Variants in PIP5K1B observed in about 807,000 individuals in gnomAD.
PIP5K1B encodes phosphatidylinositol 4-phosphate 5-kinase type-1 beta.
Under a neutral mutation model 67.0 loss-of-function variants are expected in PIP5K1B, and 42 were observed. That is an observed-to-expected ratio of 0.63 (90% CI 0.49 to 0.81). PIP5K1B has a LOEUF of 0.81. Among genes scored for constraint, PIP5K1B ranks in the 30% least tolerant of loss-of-function variants. The pLI, the probability that PIP5K1B is intolerant of heterozygous loss-of-function variation, is 0.00. For missense variants in PIP5K1B, 459 were observed against 646.3 expected, an observed-to-expected ratio of 0.71 and a Z score of 3.14; for synonymous variants, 214 against 231.4, an observed-to-expected ratio of 0.92 and a Z score of 0.68.
rs78666219 is a variant in PIP5K1B, at chr9:68,791,319, G to A, written c.-85-27142G>A. Among the ~76,000 whole-genome samples the A allele has an allele frequency of 1.5e-3, 231 of 152,314 alleles. 2 individuals are homozygous for A. Among genetic ancestry groups the A allele is most frequent in the African/African-American group, 5.4e-3 (226 of 41,556 alleles). ...AGTGACAAGTAGCTGTTGAGTATTGGTATCTTTTGGGAAGGAAAATATGAG... is the reference window on the plus strand; with the variant it reads ...AGTGACAAGTAGCTGTTGAGTATTGATATCTTTTGGGAAGGAAAATATGAG... On this transcript the variant is annotated intron_variant, in intron 2 of 15. Coordinates refer to ENST00000265382, the MANE Select transcript of PIP5K1B (RefSeq NM_003558.4).
intron 1 of PIP5K1B, among the ~76,000 whole-genome samples, chr9:68,727,443 TATA>T (rs1828207282): frequency 6.6e-6 from 1 of 152,124 alleles, no homozygotes; most frequent in Non-Finnish European, 1.5e-5. Context: ...ATGAAGTAAT[TATA>T]ATAGGTAGAG....
At chr9:68,768,597 G>A (rs1364282211) in intron 2 of PIP5K1B, among the ~76,000 whole-genome samples, 4 of 152,296 alleles carry the variant, frequency 2.6e-5, no homozygotes, top group Admixed American at 6.5e-5. Context: ...AGAACCTTTT[G>A]ATTAGGTCTA....
rs35871698 is a variant in PIP5K1B at position 68,878,013 on chromosome 9, C to CTGTGTGTGTGTGTG, written c.318+1247_318+1260dup. Among the ~76,000 whole-genome samples the CTGTGTGTGTGTGTG allele has an allele frequency of 3.4e-3, 482 of 142,086 alleles. 6 individuals are homozygous for CTGTGTGTGTGTGTG. The highest frequency in any genetic ancestry group is 0.022 in the Admixed American group (308 of 14,122). 93.2% of individuals were successfully genotyped at this position (142,086 alleles called of 152,430 possible). On this transcript the variant is annotated intron_variant, in intron 6 of 15. Coordinates refer to ENST00000265382, the MANE Select transcript of PIP5K1B (RefSeq NM_003558.4). ...AAGTACACAAGCACACGCATTTGTT[C>CTGTGTGTGTGTGTG]TGTGTGTGTGTGTGTGTGTGTGTGT...
chr9:68,714,165 C>T (rs1275825399), intron 1 of PIP5K1B, among the ~76,000 whole-genome samples: 1 of 152,230 alleles, frequency 6.6e-6, no homozygotes, highest in Non-Finnish European at 1.5e-5. Context: ...GCATAATTGA[C>T]ATTGCGCTTG....
chr9:68,768,979 GCTAGTCGTAGTCGCC>G (rs764437848), intron 2 of PIP5K1B, among the ~76,000 whole-genome samples: 1 of 152,210 alleles, frequency 6.6e-6, no homozygotes, highest in African/African-American at 2.4e-5. Context: ...TTAAAAATTA[GCTAGTCGTAGTCGCC>G]CTGTTGGGAA....
intron 4 of PIP5K1B, among the ~76,000 whole-genome samples, chr9:68,829,961 G>T (rs775939780): frequency 6.6e-6 from 1 of 152,102 alleles, no homozygotes; most frequent in African/African-American, 2.4e-5. Flanking sequence ...GTCTCCTGGG[G>T]GTAGCTGCAG....
chr9:68,932,806 A>C (rs1010436320), intron 12 of PIP5K1B, among the ~76,000 whole-genome samples: 2 of 152,174 alleles, frequency 1.3e-5, no homozygotes, highest in African/African-American at 4.8e-5. Context: ...CTGATTTAGA[A>C]GTTTTAAAAT....
chr9:68,845,538 T>C (rs896745969), intron 4 of PIP5K1B, among the ~76,000 whole-genome samples: 1 of 152,060 alleles, frequency 6.6e-6, no homozygotes, highest in Non-Finnish European at 1.5e-5. Flanking sequence ...TTTTAAAGGT[T>C]ATGAGGAAAG....
Position 68,800,956 on chromosome 9 carries a change from C to G in PIP5K1B, c.-85-17505C>G, listed in dbSNP as rs138889712. On this transcript the variant is annotated intron_variant, in intron 2 of 15. Coordinates refer to ENST00000265382, the MANE Select transcript of PIP5K1B (RefSeq NM_003558.4). ...CTGTGCTTGCATCTCTTCTCCCCCT[C>G]ATATAGAAATCCCAGATAGGAAAAG... Among the ~76,000 whole-genome samples, 648 of 152,298 alleles carry G rather than the reference C, an allele frequency of 4.3e-3. 2 individuals are homozygous for G. The highest frequency in any genetic ancestry group is 6.8e-3 in the Non-Finnish European group (465 of 68,026).
intron 15 of PIP5K1B, among the ~76,000 whole-genome samples, chr9:68,997,208 G>A (rs1013230061): frequency 2.6e-5 from 4 of 152,218 alleles, no homozygotes; most frequent in Non-Finnish European, 5.9e-5. Flanking sequence ...AAAAGCGTGA[G>A]AAAGAGAAGA....
At chr9:68,816,498 C>T (rs7037030) in intron 2 of PIP5K1B, among the ~76,000 whole-genome samples, 4,205 of 152,234 alleles carry the variant, frequency 0.028, 166 homozygotes, top group East Asian at 0.13. Context: ...GAAGGAAAAA[C>T]AGTCAGCATG....
In PIP5K1B at chr9:68,846,451, C is replaced by T. The variant is rs148713311; in HGVS notation, c.70-17386C>T. Among the ~76,000 whole-genome samples the T allele has an allele frequency of 7.6e-3, 1,155 of 152,262 alleles. 5 individuals carry two copies. The highest frequency in any genetic ancestry group is 0.013 in the Non-Finnish European group (900 of 68,004). On this transcript the variant is annotated intron_variant, in intron 4 of 15. Coordinates refer to ENST00000265382, the MANE Select transcript of PIP5K1B (RefSeq NM_003558.4). Reference sequence around the variant, plus strand: ...AATTCTTATGAATTTAGAGAGAAGCCATTTTCCTCATCCCTTCTTGATGTC... The same window carrying T: ...AATTCTTATGAATTTAGAGAGAAGCTATTTTCCTCATCCCTTCTTGATGTC...
Position 68,738,053 on chromosome 9 carries a change from C to A in PIP5K1B, c.-242-4448C>A, listed in dbSNP as rs187390684. 1.1e-4 allele frequency among the ~76,000 whole-genome samples: 17 copies of A among 152,268 alleles called. No individual in the cohort carries two copies. The East Asian group carries it at 3.3e-3, about 29-fold the overall frequency. On this transcript the variant is annotated intron_variant, in intron 1 of 15. Coordinates refer to ENST00000265382, the MANE Select transcript of PIP5K1B (RefSeq NM_003558.4). ...ATAACATAGGTAATGACTGAGTGTT[C>A]GTCAGCCTAGAAAGAGGTTTCTAGT...
intron 4 of PIP5K1B, among the ~76,000 whole-genome samples, chr9:68,850,771 T>A (rs1822442552): frequency 6.6e-6 from 1 of 152,240 alleles, no homozygotes; most frequent in South Asian, 2.1e-4. Context: ...CTATTGAATC[T>A]AAATTGATAT....
rs184162931 is a variant in PIP5K1B, at chr9:68,919,503, C to T, written c.1008C>T (p.Ser336=). ...GAATGGGAGGCATTCCAGCTAAAAG[C>T]CATAGGGGAGAAAAACTACTTTTAT... The part of the protein sequence containing the change: ...PDTMGGIPAK[S]HRGEKLLLFM... The change falls in exon 10 of 16, where the codon AGC becomes AGT. Residue 336 remains serine (S), a synonymous_variant. Coordinates refer to ENST00000265382, the MANE Select transcript of PIP5K1B (RefSeq NM_003558.4). 1.9e-5 allele frequency: 31 copies of T among 1,594,704 alleles called. No individual in the cohort carries two copies. The highest frequency in any genetic ancestry group is 1.8e-4 in the South Asian group (16 of 88,728).
intron 8 of PIP5K1B, among the ~76,000 whole-genome samples, chr9:68,903,786 G>A (rs1277441043): frequency 2.6e-5 from 4 of 152,174 alleles, no homozygotes; most frequent in Non-Finnish European, 4.4e-5. Flanking sequence ...GCTCTTCTGG[G>A]TTTTGGTGGA....
At chr9:68,820,392 G>A (rs1271754794) in intron 3 of PIP5K1B, among the ~76,000 whole-genome samples, 3 of 152,126 alleles carry the variant, frequency 2.0e-5, no homozygotes, top group African/African-American at 7.2e-5. Context: ...TTCTAACACG[G>A]ACAGATTAAA....
intron 1 of PIP5K1B, among the ~76,000 whole-genome samples, chr9:68,723,922 G>C (rs1443496803): frequency 6.6e-6 from 1 of 150,874 alleles, no homozygotes; most frequent in Admixed American, 6.6e-5. Context: ...TGTGCTTTTG[G>C]GTCTTACCCA....
intron 4 of PIP5K1B, among the ~76,000 whole-genome samples, chr9:68,861,907 T>G (rs1249478895): frequency 6.6e-6 from 1 of 151,956 alleles, no homozygotes; most frequent in East Asian, 1.9e-4. Flanking sequence ...TTTTTGTTTT[T>G]TTTTTTTAAG....
Sources: allele counts gnomAD v4.1 joint callset (sites outside exome capture counted in the v4.1 genomes callset), GRCh38; gene constraint gnomAD v4.1.1; transcripts MANE v1.5; gene names NCBI Gene and HGNC (gene_info 2026-07-23, HGNC 2026-07-21).